The following YAF2 variants were observed in gnomAD, a reference collection of about 807,000 sequenced individuals.
YAF2 encodes the protein YY1 associated factor 2.
A neutral mutation model predicts 20.1 loss-of-function variants in YAF2; 7 were observed. The observed-to-expected ratio is 0.35, with a 90% CI of 0.20 to 0.65. YAF2 has a LOEUF of 0.65. YAF2 is among the 30% of genes least tolerant of loss of function. The pLI is 0.69. For missense variants in YAF2, 151 were observed against 219.2 expected (o/e 0.69, Z 1.96); for synonymous variants, 74 against 76.0 (o/e 0.97, Z 0.14).
chr12:42,161,886 C>A, intron 2 of YAF2, 121 bp from the exon 3 acceptor site: 1 of 891,398 alleles, frequency 1.1e-6, no homozygotes, highest in Non-Finnish European at 1.7e-6. Flanking sequence ...TATAAAAATT[C>A]CTCATATGTA....
At chr12:42,217,318 C>T (rs998509066) in intron 2 of YAF2, among the ~76,000 whole-genome samples, 47 of 152,190 alleles carry the variant, frequency 3.1e-4, no homozygotes, top group African/African-American at 1.0e-3. Context: ...TTTACAAATA[C>T]ACTTTTACTC....
intron 2 of YAF2, among the ~76,000 whole-genome samples, chr12:42,191,140 T>G (rs1184379890): frequency 6.6e-6 from 1 of 152,210 alleles, no homozygotes; most frequent in Admixed American, 6.5e-5. Context: ...TGAAAAATGT[T>G]TTTAAAGTCT....
chr12:42,198,333 A>G (rs2066808340), intron 2 of YAF2, among the ~76,000 whole-genome samples: 1 of 152,254 alleles, frequency 6.6e-6, no homozygotes, highest in Non-Finnish European at 1.5e-5. Flanking sequence ...CTATAATCCC[A>G]GCACTTTGGA....
At chr12:42,217,316 T>C (rs967556541) in intron 2 of YAF2, among the ~76,000 whole-genome samples, 4 of 152,168 alleles carry the variant, frequency 2.6e-5, no homozygotes, top group Middle Eastern at 3.2e-3. Context: ...AGTTTACAAA[T>C]ACACTTTTAC....
intron 2 of YAF2, among the ~76,000 whole-genome samples, chr12:42,211,920 G>A (rs1210192681): frequency 6.6e-6 from 1 of 151,608 alleles, no homozygotes; most frequent in South Asian, 2.1e-4. Context: ...GTAGTGGCAG[G>A]TGCCTATAAT....
At chr12:42,205,547 G>A (rs1420339884) in intron 2 of YAF2, among the ~76,000 whole-genome samples, 1 of 151,994 alleles carries the variant, frequency 6.6e-6, no homozygotes, top group Non-Finnish European at 1.5e-5. Context: ...GCTAATTTTT[G>A]TATTTTTAGT....
At chr12:42,166,767 C>A (rs867410542) in intron 2 of YAF2, among the ~76,000 whole-genome samples, 8 of 150,796 alleles carry the variant, frequency 5.3e-5, no homozygotes, top group African/African-American at 2.0e-4. Context: ...TCTTGTAAAT[C>A]TTCCTGTCAT....
At chr12:42,234,152 C>CA in intron 2 of YAF2, 1 of 948,134 alleles carries the variant, frequency 1.1e-6, no homozygotes. Context: ...GCCTGGGCGA[C>CA]AGAGCAAGAC....
rs1187094992 is a variant in YAF2 at position 42,161,682 on chromosome 12, T to C, written c.236A>G (p.Lys79Arg). The change falls in exon 3 of 4, where the codon AAA (lysine) becomes AGA (arginine). Residue 79 changes from lysine (K) to arginine (R), a missense_variant. Around this residue, in one of 3 missense-constraint regions of YAF2, gnomAD observed 50 missense variants for 112.0 expected, o/e 0.45. Transcript: ENST00000534854. The stretch of plus-strand genomic sequence containing the variant: ...ACTTTTTTCTTTTTCTACTTTATCT[T>C]TTTTCTCTTTCTTTGACTGTGTAGG... Reference protein sequence around the residue: ...VPPTQSKKEKKDKVEKEKSEK... With the variant: ...VPPTQSKKEKRDKVEKEKSEK... 1.2e-6 allele frequency: 2 copies of C among 1,609,696 alleles called. No individual in the cohort carries two copies. Among genetic ancestry groups the C allele is most frequent in the Non-Finnish European group, 1.7e-6 (2 of 1,178,972 alleles).
chr12:42,227,628 A>AGCCCCTCC (rs2067768882), intron 2 of YAF2, among the ~76,000 whole-genome samples: 1 of 148,502 alleles, frequency 6.7e-6, no homozygotes, highest in African/African-American at 2.5e-5. Flanking sequence ...AGAAGTTAGG[A>AGCCCCTCC]GCCCCTCCGC....
At chr12:42,236,587 A>G (rs2068165179) in intron 2 of YAF2, among the ~76,000 whole-genome samples, 1 of 152,188 alleles carries the variant, frequency 6.6e-6, no homozygotes, top group African/African-American at 2.4e-5. Context: ...TAAAAAATCA[A>G]GATCTCATTT....
intron 2 of YAF2, among the ~76,000 whole-genome samples, chr12:42,186,235 T>C (rs190476754): frequency 4.8e-5 from 7 of 145,118 alleles, no homozygotes; most frequent in Admixed American, 4.1e-4. Flanking sequence ...GGCTCAGGCC[T>C]GTAATCCCAG....
chr12:42,199,259 G>T (rs1433148136), intron 2 of YAF2: 1 of 1,239,638 alleles, frequency 8.1e-7, no homozygotes, highest in Non-Finnish European at 1.1e-6. Flanking sequence ...TACAGAGTAA[G>T]AAAGAAACAC....
At chr12:42,192,676 A>G (rs1205773624) in intron 2 of YAF2, among the ~76,000 whole-genome samples, 1 of 152,228 alleles carries the variant, frequency 6.6e-6, no homozygotes, top group African/African-American at 2.4e-5. Context: ...CAGAAAAGAG[A>G]TGGTGGCTTA....
intron 2 of YAF2, chr12:42,232,782 C>G: frequency 1.0e-6 from 1 of 985,402 alleles, no homozygotes; most frequent in Non-Finnish European, 1.2e-6. Flanking sequence ...AAGCTTCTTT[C>G]AGAATGTGGA....
intron 2 of YAF2, among the ~76,000 whole-genome samples, chr12:42,179,479 A>G (rs2066284265): frequency 6.6e-6 from 1 of 152,218 alleles, no homozygotes; most frequent in Admixed American, 6.5e-5. Flanking sequence ...CAATAATAAC[A>G]ATGTGCAATG....
chr12:42,160,830 A>G lies in YAF2; in HGVS notation c.306-4T>C. On this transcript the variant is annotated splice_polypyrimidine_tract_variant and splice_region_variant and intron_variant, in intron 3 of 3. Coordinates refer to ENST00000534854, the MANE Select transcript of YAF2 (RefSeq NM_005748.6). ...ATCCACATTTTTCAATCTTGGCCTA[A>G]ACATAAAAAAATGAAATTTTAAACT... The G allele has an allele frequency of 6.3e-7, 1 of 1,586,594 alleles. No homozygotes were observed. Among genetic ancestry groups the G allele is most frequent in the Non-Finnish European group, 8.6e-7 (1 of 1,168,344 alleles).
At chr12:42,186,926 C>T (rs931382615) in intron 2 of YAF2, among the ~76,000 whole-genome samples, 18 of 151,934 alleles carry the variant, frequency 1.2e-4, no homozygotes, top group Admixed American at 9.2e-4. Context: ...CATTGCTTGC[C>T]ACCAATTCAG....
intron 2 of YAF2, among the ~76,000 whole-genome samples, chr12:42,193,341 A>G (rs983603224): frequency 6.6e-6 from 1 of 151,922 alleles, no homozygotes; most frequent in Non-Finnish European, 1.5e-5. Context: ...AAAATAGCAC[A>G]TGCAATTACG....
Sources: allele counts gnomAD v4.1 joint callset (sites outside exome capture counted in the v4.1 genomes callset), GRCh38; gene constraint gnomAD v4.1.1; regional missense constraint gnomAD v4.1.1; transcripts MANE v1.5; gene names NCBI Gene and HGNC (gene_info 2026-07-23, HGNC 2026-07-21).